ARMC8: variants seen among roughly 807,000 people sequenced by gnomAD.
ARMC8 encodes armadillo repeat containing 8.
ARMC8 carries 20 observed loss-of-function variants against 99.3 expected under a neutral mutation model. The ratio of observed to expected loss-of-function variants is 0.20; its 90% confidence interval spans 0.14 to 0.29. ARMC8 has a LOEUF of 0.29. Among genes scored for constraint, ARMC8 ranks in the 10% least tolerant of loss-of-function variants. ARMC8 has a pLI of 1.00. For synonymous variants in ARMC8, 263 were observed against 278.3 expected (o/e 0.95, Z 0.55); for missense variants, 569 against 809.5 (o/e 0.70, Z 3.60).
intron 1 of ARMC8, 97 bp downstream of exon 1, chr3:138,187,696 C>T (rs189291452): frequency 0.028 from 37,962 of 1,337,942 alleles, 674 homozygotes; most frequent in Non-Finnish European, 0.033. Context: ...GGGCACCACC[C>T]CCTGGGGTGG....
chr3:138,230,514 A>G (rs1336961554), intron 6 of ARMC8, among the ~76,000 whole-genome samples: 2 of 152,144 alleles, frequency 1.3e-5, no homozygotes, highest in Admixed American at 6.5e-5. Flanking sequence ...TTAGCCAGGC[A>G]TGGTGGCGTG....
At chr3:138,220,351 A>G (rs1046261114) in intron 2 of ARMC8, among the ~76,000 whole-genome samples, 2 of 152,228 alleles carry the variant, frequency 1.3e-5, no homozygotes, top group South Asian at 2.1e-4. Context: ...AACAACAAAA[A>G]AATTGCTACT....
intron 12 of ARMC8, chr3:138,261,580 A>T: frequency 6.6e-6 from 1 of 152,320 alleles, no homozygotes; most frequent in East Asian, 1.9e-4. Context: ...ATTGTTATAT[A>T]TAAGAGATGG....
intron 11 of ARMC8, 64 bp downstream of exon 11, chr3:138,242,047 C>T: frequency 7.3e-7 from 1 of 1,366,792 alleles, no homozygotes; most frequent in East Asian, 2.3e-5. Flanking sequence ...TTACTGTTCA[C>T]AGTTTTGAAC....
chr3:138,218,977 G>T (rs2045241017), intron 2 of ARMC8, among the ~76,000 whole-genome samples: 1 of 152,092 alleles, frequency 6.6e-6, no homozygotes, highest in Non-Finnish European at 1.5e-5. Flanking sequence ...GAATTCATTT[G>T]TCTTTTCCAT....
intron 2 of ARMC8, among the ~76,000 whole-genome samples, chr3:138,212,413 A>G (rs749553204): frequency 8.0e-5 from 12 of 150,770 alleles, no homozygotes; most frequent in Non-Finnish European, 1.6e-4. Context: ...GGGTTCAAAT[A>G]ATTCTCCTGC....
intron 21 of ARMC8, among the ~76,000 whole-genome samples, chr3:138,291,755 A>T (rs2050974317): frequency 6.6e-6 from 1 of 152,196 alleles, no homozygotes; most frequent in African/African-American, 2.4e-5. Flanking sequence ...AAATGCATAG[A>T]GGAAGAGTAT....
At chr3:138,217,017 C>G (rs1167160908) in intron 2 of ARMC8, among the ~76,000 whole-genome samples, 1 of 152,032 alleles carries the variant, frequency 6.6e-6, no homozygotes, top group Non-Finnish European at 1.5e-5. Flanking sequence ...GTTACAGTTG[C>G]CTACATTATT....
At chr3:138,259,089 G>T (rs1043274558) in intron 12 of ARMC8, among the ~76,000 whole-genome samples, 1 of 152,218 alleles carries the variant, frequency 6.6e-6, no homozygotes, top group African/African-American at 2.4e-5. Flanking sequence ...AGATGCTTTT[G>T]CAGGGTGCTA....
At position 138,248,935 on chromosome 3, in the gene ARMC8, G is replaced by A. The variant is rs1252084165; in HGVS notation, c.1134+3752G>A. 5.3e-5 allele frequency among the ~76,000 whole-genome samples: 8 copies of A among 152,330 alleles called. No homozygotes were observed. In the East Asian group the frequency reaches 1.2e-3, roughly 22 times the overall value. Reference sequence around the variant, plus strand: ...GGCACCTGACTAATGGAGCCTTGGGGAAAGTTTTCTGCTTCAATTTGAATA... The same window carrying A: ...GGCACCTGACTAATGGAGCCTTGGGAAAAGTTTTCTGCTTCAATTTGAATA... On this transcript the variant is annotated intron_variant, in intron 12 of 21. Transcript: ENST00000469044.
At chr3:138,252,558 A>G (rs1030801510) in intron 12 of ARMC8, among the ~76,000 whole-genome samples, 2 of 149,402 alleles carry the variant, frequency 1.3e-5, no homozygotes, top group Admixed American at 6.7e-5. Flanking sequence ...GGTTCAAGCG[A>G]TTCTCCTGCC....
chr3:138,245,215 T>C (rs2046826887), intron 12 of ARMC8, 32 bp downstream of exon 12: 2 of 1,614,164 alleles, frequency 1.2e-6, no homozygotes, highest in African/African-American at 1.3e-5. Context: ...CCCCCAGTCC[T>C]GACAGCCAGC....
In ARMC8 at chr3:138,239,477, C is replaced by T. The variant is rs781779763; in HGVS notation, c.786C>T (p.Tyr262=). Residue 262 remains tyrosine, a synonymous_variant, in exon 10 of 22, where the codon TAC becomes TAT. Transcript: ENST00000469044. The part of the protein sequence containing the change: ...MQLTSAKCLT[Y]MCRAGAIRTD... ...TGCTGTCTTATTCCAGTTTAACTTA[C>T]ATGTGTAGAGCTGGAGCAATTCGGA... The T allele has an allele frequency of 8.1e-6, 13 of 1,599,256 alleles. No homozygotes were observed. In the South Asian group the frequency reaches 1.3e-4, roughly 16 times the overall value.
At chr3:138,246,597 C>A in intron 12 of ARMC8, 1 of 985,612 alleles carries the variant, frequency 1.0e-6, no homozygotes, top group Non-Finnish European at 1.2e-6. Flanking sequence ...TTTACCCATT[C>A]TTAAAGCTCT....
In ARMC8 at chr3:138,286,738, A is replaced by G. The variant is rs74631110; in HGVS notation, c.1821+2212A>G. On this transcript the variant is annotated intron_variant, in intron 19 of 21. Coordinates refer to ENST00000469044, the MANE Select transcript of ARMC8 (RefSeq NM_001363941.2). ...TTACGTACAGACAGAGTTGAGAACC[A>G]TTGCCTTAGGAGAATCTCATCCACC... is the stretch of plus-strand genomic sequence containing the variant. Among the ~76,000 whole-genome samples the G allele has an allele frequency of 2.8e-3, 424 of 152,248 alleles. 2 individuals are homozygous for G. The highest frequency in any genetic ancestry group is 9.8e-3 in the African/African-American group (407 of 41,542).
intron 5 of ARMC8, among the ~76,000 whole-genome samples, chr3:138,225,007 A>G (rs921868128): frequency 5.9e-5 from 9 of 151,882 alleles, no homozygotes; most frequent in Non-Finnish European, 1.0e-4. Flanking sequence ...GGCTTTGCAG[A>G]GAAGCTAGAA....
intron 12 of ARMC8, among the ~76,000 whole-genome samples, chr3:138,250,070 A>G (rs1443507584): frequency 6.6e-6 from 1 of 152,216 alleles, no homozygotes; most frequent in Non-Finnish European, 1.5e-5. Context: ...CAGTGGCTTT[A>G]TATGACATGT....
At chr3:138,254,664 A>G (rs2047294424) in intron 12 of ARMC8, among the ~76,000 whole-genome samples, 1 of 152,204 alleles carries the variant, frequency 6.6e-6, no homozygotes, top group African/African-American at 2.4e-5. Flanking sequence ...ATTTTTTGAT[A>G]GAAGTATTGA....
At chr3:138,274,966 C>T (rs1446762635) in intron 18 of ARMC8, among the ~76,000 whole-genome samples, 3 of 152,184 alleles carry the variant, frequency 2.0e-5, no homozygotes, top group Admixed American at 6.5e-5. Context: ...AGATAGTTTT[C>T]ATTTCTTTTC....
Sources: allele counts gnomAD v4.1 joint callset (sites outside exome capture counted in the v4.1 genomes callset), GRCh38; gene constraint gnomAD v4.1.1; transcripts MANE v1.5; gene names NCBI Gene and HGNC (gene_info 2026-07-23, HGNC 2026-07-21).